SHANK2: variants seen among roughly 807,000 people sequenced by gnomAD.
SHANK2 encodes the protein SH3 and multiple ankyrin repeat domains protein 2.
SHANK2 carries 43 observed loss-of-function variants against 133.7 expected under a neutral mutation model. That is an observed-to-expected ratio of 0.32 (90% CI 0.25 to 0.41). SHANK2 has a LOEUF of 0.41. SHANK2 is among the 10% of genes least tolerant of loss of function. The pLI, the probability that SHANK2 is intolerant of heterozygous loss-of-function variation, is 1.00. For synonymous variants in SHANK2, 1,017 were observed against 952.8 expected, an observed-to-expected ratio of 1.07 and a Z score of -1.24; for missense variants, 1,994 against 2,235.8, an observed-to-expected ratio of 0.89 and a Z score of 2.18.
intron 17 of SHANK2, among the ~76,000 whole-genome samples, chr11:70,511,130 A>T (rs1286467055): frequency 1.3e-5 from 2 of 152,168 alleles, no homozygotes; most frequent in East Asian, 1.9e-4. Context: ...ATGCCAACGG[A>T]GTGTGCCCCA....
chr11:70,851,913 A>C (rs1182281704), intron 11 of SHANK2, among the ~76,000 whole-genome samples: 1 of 152,236 alleles, frequency 6.6e-6, no homozygotes, highest in Non-Finnish European at 1.5e-5. Flanking sequence ...AGGCAGACTC[A>C]TAAACGACTG....
intron 17 of SHANK2, among the ~76,000 whole-genome samples, chr11:70,606,096 A>G (rs1437488173): frequency 2.0e-5 from 3 of 152,128 alleles, no homozygotes; most frequent in Admixed American, 1.3e-4. Flanking sequence ...GGAAGTGTGC[A>G]TGGCAGGGGG....
chr11:70,836,300 G>C (rs567812879), intron 11 of SHANK2, among the ~76,000 whole-genome samples: 159 of 152,356 alleles, frequency 1.0e-3, no homozygotes, highest in African/African-American at 3.7e-3. Context: ...GGGCGAGACT[G>C]GGGGTGAGGA....
rs115266693 is a variant in SHANK2, at chr11:70,865,900, G to T, written c.1174+30601C>A. ...CATCAAGGAATATGCCCACAGTGCT[G>T]CCCTTCCTCAACTTCAAATACCTGG... On this transcript the variant is annotated intron_variant, in intron 11 of 25. Transcript: ENST00000601538. Among the ~76,000 whole-genome samples the T allele has an allele frequency of 9.6e-4, 146 of 152,262 alleles. 1 individual carries two copies. Among genetic ancestry groups the T allele is most frequent in the African/African-American group, 3.5e-3 (144 of 41,556 alleles).
chr11:70,525,469 G>T (rs1554971953), intron 17 of SHANK2, among the ~76,000 whole-genome samples: 1 of 151,926 alleles, frequency 6.6e-6, no homozygotes, highest in Non-Finnish European at 1.5e-5. Flanking sequence ...GGGGATGGTG[G>T]ATTTTTTTTT....
intron 13 of SHANK2, among the ~76,000 whole-genome samples, chr11:70,802,408 G>C (rs1555050735): frequency 6.6e-6 from 1 of 152,108 alleles, no homozygotes; most frequent in Non-Finnish European, 1.5e-5. Context: ...GTCAGGGGTG[G>C]CTCCGACCCC....
intron 4 of SHANK2, among the ~76,000 whole-genome samples, chr11:71,115,346 G>A (rs1291001966): frequency 2.6e-5 from 4 of 152,090 alleles, no homozygotes; most frequent in African/African-American, 4.8e-5. Flanking sequence ...GTGGGCACCT[G>A]TAATCCTAGC....
At chr11:70,924,747 G>A (rs540821633) in intron 10 of SHANK2, among the ~76,000 whole-genome samples, 250 of 152,080 alleles carry the variant, frequency 1.6e-3, no homozygotes, top group African/African-American at 5.3e-3. Context: ...TTGAGCCACC[G>A]TACCCAGCCC....
At chr11:70,539,292 C>A (rs782777462) in intron 17 of SHANK2, among the ~76,000 whole-genome samples, 1 of 152,214 alleles carries the variant, frequency 6.6e-6, no homozygotes, top group Non-Finnish European at 1.5e-5. Context: ...CCAAACGCAG[C>A]TGGCAGGACA....
At chr11:70,907,441 C>T (rs186599583) in intron 10 of SHANK2, among the ~76,000 whole-genome samples, 2 of 152,310 alleles carry the variant, frequency 1.3e-5, no homozygotes, top group East Asian at 3.9e-4. Flanking sequence ...AGCCTTCTAG[C>T]ACCGATACCA....
At chr11:70,791,431 C>T (rs1947784102) in intron 14 of SHANK2, among the ~76,000 whole-genome samples, 1 of 152,216 alleles carries the variant, frequency 6.6e-6, no homozygotes, top group African/African-American at 2.4e-5. Context: ...TGGCACTTAG[C>T]TCTCAGGTCT....
At chr11:71,158,672 G>A (rs1952951986) in intron 2 of SHANK2, among the ~76,000 whole-genome samples, 1 of 152,212 alleles carries the variant, frequency 6.6e-6, no homozygotes, top group South Asian at 2.1e-4. Context: ...TAACTCTGGA[G>A]ACTAAGAGGA....
At chr11:70,541,674 C>T (rs1554975191) in intron 17 of SHANK2, among the ~76,000 whole-genome samples, 1 of 152,248 alleles carries the variant, frequency 6.6e-6, no homozygotes, top group Non-Finnish European at 1.5e-5. Context: ...AACGGTGCCC[C>T]CCACAAAACA....
chr11:70,954,653 C>G (rs557211303), intron 10 of SHANK2, among the ~76,000 whole-genome samples: 1 of 152,338 alleles, frequency 6.6e-6, no homozygotes, highest in South Asian at 2.1e-4. Flanking sequence ...GCCCGGGATC[C>G]TTGAGTGAAG....
intron 11 of SHANK2, among the ~76,000 whole-genome samples, chr11:70,877,251 G>A (rs1590787983): frequency 1.3e-5 from 2 of 152,342 alleles, no homozygotes; most frequent in East Asian, 3.9e-4. Context: ...GGTGTTCCGA[G>A]GGCCCCAGCC....
chr11:71,160,573 A>G (rs35805315), intron 2 of SHANK2, among the ~76,000 whole-genome samples: 1 of 152,222 alleles, frequency 6.6e-6, no homozygotes, highest in African/African-American at 2.4e-5. Context: ...CAGTCCCTCA[A>G]TGGGAGCTGA....
intron 17 of SHANK2, among the ~76,000 whole-genome samples, chr11:70,550,036 C>T (rs1554977466): frequency 1.3e-5 from 2 of 152,116 alleles, no homozygotes; most frequent in African/African-American, 2.4e-5. Context: ...AAAAACCGCA[C>T]CGGCTTGGCC....
intron 10 of SHANK2, among the ~76,000 whole-genome samples, chr11:70,938,647 G>A (rs1257880834): frequency 5.3e-5 from 8 of 152,176 alleles, no homozygotes; most frequent in East Asian, 1.9e-4. Flanking sequence ...GCTTCTAGTC[G>A]AGGAGATGAT....
chr11:70,473,482 C>T lies in SHANK2; in HGVS notation c.4980-43G>A, dbSNP rs373751236. The T allele has an allele frequency of 3.8e-5, 61 of 1,589,502 alleles. No homozygotes were observed. Among genetic ancestry groups the T allele is most frequent in the South Asian group, 7.7e-5 (7 of 90,546 alleles). On this transcript the variant is annotated intron_variant, in intron 25 of 25. Coordinates refer to ENST00000601538, the MANE Select transcript of SHANK2 (RefSeq NM_012309.5). The surrounding 1 kb of genome is among the most constrained non-coding windows in gnomAD (Gnocchi z 5.9). Reference sequence around the variant, plus strand: ...AGAAAACCATCACAAGGCAGGTCACCGAGTCAGGGCAGCTGGCTGCAGATC... The same window carrying T: ...AGAAAACCATCACAAGGCAGGTCACTGAGTCAGGGCAGCTGGCTGCAGATC...
Sources: gnomAD v4.1 joint callset for allele counts (sites outside exome capture counted in the v4.1 genomes callset) on GRCh38, gnomAD v4.1.1 for gene constraint, Gnocchi (gnomAD v3.1) non-coding constraint, MANE v1.5 for transcripts, NCBI Gene and HGNC (gene_info 2026-07-23, HGNC 2026-07-21) for gene names.